Variants in SOX5 observed in about 807,000 individuals in gnomAD.
SOX5 encodes SRY-box transcription factor 5.
A neutral mutation model predicts 92.0 loss-of-function variants in SOX5; 9 were observed. The ratio of observed to expected loss-of-function variants is 0.10; its 90% CI spans 0.06 to 0.17. The LOEUF is 0.17. SOX5 is among the 10% of genes least tolerant of loss of function. SOX5 has a pLI of 1.00. For missense variants in SOX5, 642 were observed against 944.5 expected (o/e 0.68, Z 4.20); for synonymous variants, 344 against 336.3 (o/e 1.02, Z -0.25).
At chr12:23,724,811 T>C (rs1313025216) in intron 6 of SOX5, among the ~76,000 whole-genome samples, 1 of 152,142 alleles carries the variant, frequency 6.6e-6, no homozygotes, top group Non-Finnish European at 1.5e-5. Flanking sequence ...GCCCTGATGG[T>C]AGAACACTCA....
intron 1 of SOX5, among the ~76,000 whole-genome samples, chr12:24,433,469 T>G (rs1938773421): frequency 6.6e-6 from 1 of 152,206 alleles, no homozygotes; most frequent in South Asian, 2.1e-4. Context: ...TTGTCTTGAT[T>G]TGGGCACTAC....
intron 1 of SOX5, among the ~76,000 whole-genome samples, chr12:24,476,405 C>T (rs547203479): frequency 6.6e-6 from 1 of 152,282 alleles, no homozygotes; most frequent in South Asian, 2.1e-4. Context: ...TAGAGTACTG[C>T]TGCTCCAGAG....
intron 4 of SOX5, among the ~76,000 whole-genome samples, chr12:24,179,711 T>C (rs1011920065): frequency 6.6e-6 from 1 of 152,154 alleles, no homozygotes; most frequent in East Asian, 1.9e-4. Flanking sequence ...AATGTAAGTG[T>C]TCTGAGCACA....
At chr12:23,818,440 G>C (rs1163006161) in intron 3 of SOX5, among the ~76,000 whole-genome samples, 1 of 152,092 alleles carries the variant, frequency 6.6e-6, no homozygotes, top group African/African-American at 2.4e-5. Context: ...ACATATATAG[G>C]GTATTTACTA....
intron 6 of SOX5, among the ~76,000 whole-genome samples, chr12:23,672,485 C>T (rs2084956654): frequency 6.6e-6 from 1 of 152,030 alleles, no homozygotes; most frequent in Non-Finnish European, 1.5e-5. Flanking sequence ...ATGATACAAA[C>T]TCAATTTGTA....
chr12:24,155,331 T>C (rs1161257619), intron 4 of SOX5, among the ~76,000 whole-genome samples: 1 of 152,140 alleles, frequency 6.6e-6, no homozygotes, highest in Non-Finnish European at 1.5e-5. Flanking sequence ...CCCATTTTTT[T>C]CTTCTATTAT....
chr12:23,698,858 C>T (rs985966715), intron 6 of SOX5, among the ~76,000 whole-genome samples: 5 of 152,170 alleles, frequency 3.3e-5, no homozygotes, highest in Non-Finnish European at 7.3e-5. Flanking sequence ...CTAAAATTAA[C>T]TTGGTTCCAC....
In SOX5 at chr12:24,271,416, A is replaced by T. The variant is rs7970915; in HGVS notation, c.-77+5800T>A. On this transcript the variant is annotated intron_variant, in intron 3 of 4. Transcript: ENST00000446891. ...TGTAGTTTTTTAAAAATCAATTCTG[A>T]ATACCAACCTTGTCAATGATGTTTT... Among the ~76,000 whole-genome samples, 1,111 of 152,302 alleles carry T rather than the reference A, an allele frequency of 7.3e-3. 4 individuals are homozygous for T. Among genetic ancestry groups the T allele is most frequent in the Non-Finnish European group, 0.012 (821 of 68,020 alleles).
At chr12:23,631,625 G>A (rs2078553222) in intron 8 of SOX5, among the ~76,000 whole-genome samples, 1 of 152,060 alleles carries the variant, frequency 6.6e-6, no homozygotes, top group Non-Finnish European at 1.5e-5. Flanking sequence ...ATCAAGGAAT[G>A]GGCATGGACT....
chr12:24,552,035 T>C (rs1953234146), intron 1 of SOX5, among the ~76,000 whole-genome samples: 1 of 152,116 alleles, frequency 6.6e-6, no homozygotes, highest in South Asian at 2.1e-4. Flanking sequence ...TGTTAAAAAG[T>C]TATTTCCAAG....
intron 2 of SOX5, among the ~76,000 whole-genome samples, chr12:24,291,849 C>T (rs903447866): frequency 2.0e-5 from 3 of 152,160 alleles, no homozygotes; most frequent in South Asian, 2.1e-4. Context: ...TGTAGCATCA[C>T]GACATGTATT....
intron 1 of SOX5, among the ~76,000 whole-genome samples, chr12:23,934,510 T>C (rs1942126698): frequency 6.7e-6 from 1 of 149,542 alleles, no homozygotes. Context: ...TACAAATGAT[T>C]ATACAACATG....
intron 1 of SOX5, among the ~76,000 whole-genome samples, chr12:23,927,930 C>T (rs1940421539): frequency 6.6e-6 from 1 of 152,026 alleles, no homozygotes; most frequent in Non-Finnish European, 1.5e-5. Flanking sequence ...AAAAGCATTA[C>T]ATTTTCCAGA....
At chr12:24,370,612 C>T (rs1956639608) in intron 1 of SOX5, among the ~76,000 whole-genome samples, 1 of 151,616 alleles carries the variant, frequency 6.6e-6, no homozygotes, top group Non-Finnish European at 1.5e-5. Flanking sequence ...GCCAATATGG[C>T]GAAAACCTGT....
intron 3 of SOX5, among the ~76,000 whole-genome samples, chr12:23,761,555 T>G (rs971844502): frequency 6.6e-6 from 1 of 152,116 alleles, no homozygotes; most frequent in Non-Finnish European, 1.5e-5. Flanking sequence ...ACTAAAAAAG[T>G]ACCAATTAGA....
chr12:23,949,099 G>A (rs994909776), intron 1 of SOX5, among the ~76,000 whole-genome samples: 3 of 152,060 alleles, frequency 2.0e-5, no homozygotes, highest in African/African-American at 7.2e-5. Flanking sequence ...AAAGTTTTAC[G>A]GAAGGATCAA....
At chr12:24,063,944 G>T (rs1940204317) in intron 4 of SOX5, among the ~76,000 whole-genome samples, 1 of 152,106 alleles carries the variant, frequency 6.6e-6, no homozygotes, top group South Asian at 2.1e-4. Context: ...GTATACAAAA[G>T]TACTTTATAA....
intron 1 of SOX5, among the ~76,000 whole-genome samples, chr12:24,435,637 A>T (rs1480843702): frequency 6.6e-6 from 1 of 152,232 alleles, no homozygotes; most frequent in Non-Finnish European, 1.5e-5. Context: ...TTTGTCATAA[A>T]ATCAAGACCT....
At chr12:24,501,376 CA>C (rs200917193) in intron 1 of SOX5, among the ~76,000 whole-genome samples, 3,751 of 101,920 alleles carry the variant, frequency 0.037, 35 homozygotes, top group Middle Eastern at 0.067. Context: ...AGATCCAGTG[CA>C]AAAAAAAAAA....
Sources: allele counts gnomAD v4.1 joint callset (sites outside exome capture counted in the v4.1 genomes callset), GRCh38; gene constraint gnomAD v4.1.1; transcripts MANE v1.5; gene names NCBI Gene and HGNC (gene_info 2026-07-23, HGNC 2026-07-21).